Variants in NLGN1 observed in about 807,000 individuals in gnomAD.
The protein encoded by NLGN1 is neuroligin 1.
Under a neutral mutation model 65.5 loss-of-function variants are expected in NLGN1, and 12 were observed. That is an observed-to-expected ratio of 0.18 (90% CI 0.12 to 0.30). The LOEUF is 0.30. Ranked by LOEUF, NLGN1 falls within the 10% of genes least tolerant of loss-of-function variation. The pLI is 1.00. For synonymous variants in NLGN1, 350 were observed against 359.5 expected (o/e 0.97, Z 0.30); for missense variants, 750 against 1,007.1 (o/e 0.74, Z 3.46).
intron 3 of NLGN1, among the ~76,000 whole-genome samples, chr3:173,797,668 A>C (rs1714403162): frequency 6.8e-6 from 1 of 146,578 alleles, no homozygotes; most frequent in African/African-American, 2.5e-5. Flanking sequence ...AATGTAGCAA[A>C]AAACAAAAAA....
chr3:173,964,923 G>A (rs1252192361), intron 4 of NLGN1, among the ~76,000 whole-genome samples: 1 of 152,168 alleles, frequency 6.6e-6, no homozygotes, highest in Admixed American at 6.5e-5. Flanking sequence ...TGTGGTAGCT[G>A]TTCAGATATG....
rs909136612 is a variant in NLGN1 at position 173,499,172 on chromosome 3, G to A, written c.-321+64094G>A. 6.6e-5 allele frequency among the ~76,000 whole-genome samples: 10 copies of A among 151,670 alleles called. 1 individual carries two copies. The highest frequency in any genetic ancestry group is 2.2e-4 in the African/African-American group (9 of 41,018). On this transcript the variant is annotated intron_variant, in intron 2 of 6. Transcript: ENST00000457714. ...GGTATTGCCTAGGTTTTCTTCTAGG[G>A]TTTTTATGGTTTTAGGTCTAACATT...
chr3:173,515,130 A>C (rs963489382), intron 2 of NLGN1, among the ~76,000 whole-genome samples: 1 of 152,098 alleles, frequency 6.6e-6, no homozygotes, highest in African/African-American at 2.4e-5. Flanking sequence ...ACAGTGCGCA[A>C]GGGCAACAAT....
intron 4 of NLGN1, among the ~76,000 whole-genome samples, chr3:173,868,851 A>G (rs1313963409): frequency 2.0e-5 from 3 of 152,120 alleles, no homozygotes; most frequent in South Asian, 2.1e-4. Flanking sequence ...TAAACCCACA[A>G]TATTTACATG....
chr3:173,546,571 A>C (rs1246698915), intron 2 of NLGN1, among the ~76,000 whole-genome samples: 1 of 152,198 alleles, frequency 6.6e-6, no homozygotes, highest in African/African-American at 2.4e-5. Context: ...AGAAAAATGC[A>C]CATAAATTAT....
At chr3:173,427,836 G>A (rs73178900) in intron 1 of NLGN1, among the ~76,000 whole-genome samples, 1 of 150,512 alleles carries the variant, frequency 6.6e-6, no homozygotes, top group Non-Finnish European at 1.5e-5. Flanking sequence ...TTTTTGGTCT[G>A]GAAACTCTAT....
At chr3:173,556,303 A>G (rs549982851) in intron 2 of NLGN1, among the ~76,000 whole-genome samples, 3 of 152,218 alleles carry the variant, frequency 2.0e-5, no homozygotes, top group East Asian at 1.9e-4. Context: ...TTCCTTGGCT[A>G]TATATGCTCT....
intron 3 of NLGN1, among the ~76,000 whole-genome samples, chr3:173,703,361 A>C (rs1379495982): frequency 3.3e-5 from 5 of 152,130 alleles, no homozygotes; most frequent in Non-Finnish European, 5.9e-5. Context: ...TGCATCATTA[A>C]TTTTAAATAA....
intron 4 of NLGN1, among the ~76,000 whole-genome samples, chr3:174,072,978 G>T (rs991620280): frequency 2.0e-5 from 3 of 152,092 alleles, no homozygotes; most frequent in African/African-American, 4.8e-5. Context: ...TAAATTAAAT[G>T]ACTGAGTAAA....
At chr3:174,017,373 A>T (rs1726793887) in intron 4 of NLGN1, among the ~76,000 whole-genome samples, 1 of 152,140 alleles carries the variant, frequency 6.6e-6, no homozygotes. Flanking sequence ...AATTGCTGAG[A>T]TGTGTATAGT....
At chr3:173,815,427 A>C (rs1718841426) in intron 4 of NLGN1, among the ~76,000 whole-genome samples, 1 of 152,086 alleles carries the variant, frequency 6.6e-6, no homozygotes, top group Admixed American at 6.6e-5. Context: ...TACTCTACTG[A>C]GAAAACCCTT....
chr3:173,741,197 T>C (rs1774583675), intron 3 of NLGN1, among the ~76,000 whole-genome samples: 1 of 152,130 alleles, frequency 6.6e-6, no homozygotes, highest in Admixed American at 6.6e-5. Flanking sequence ...AACTTGCTGC[T>C]TGGATTCCAT....
chr3:173,920,065 G>A (rs1225322511), intron 4 of NLGN1, among the ~76,000 whole-genome samples: 2 of 151,934 alleles, frequency 1.3e-5, no homozygotes, highest in African/African-American at 4.8e-5. Context: ...GAGAAAAAAG[G>A]AGCAAACCTA....
chr3:174,004,015 CA>C (rs1723855721), intron 4 of NLGN1, among the ~76,000 whole-genome samples: 1 of 152,152 alleles, frequency 6.6e-6, no homozygotes, highest in Admixed American at 6.5e-5. Context: ...AAATAATCCA[CA>C]TGCAGTTCTG....
At chr3:173,784,102 C>T (rs1488549) in intron 3 of NLGN1, among the ~76,000 whole-genome samples, 130,282 of 152,134 alleles carry the variant, frequency 0.86, 56,715 homozygotes, top group African/African-American at 0.94. Flanking sequence ...GATTATGTGC[C>T]AGGTAATGTA....
rs536061010 is a variant in NLGN1, at chr3:174,263,631, T to C, written c.647-11684T>C. Reference sequence around the variant, plus strand: ...CAGCACACTGATGGGTCTTGACTCTTTATCCAATTTGCCAGTCTGTGTCTT... The same window carrying C: ...CAGCACACTGATGGGTCTTGACTCTCTATCCAATTTGCCAGTCTGTGTCTT... On this transcript the variant is annotated intron_variant, in intron 4 of 6. Transcript: ENST00000457714. Among the ~76,000 whole-genome samples, 375 of 152,170 alleles carry C rather than the reference T, an allele frequency of 2.5e-3. 2 individuals are homozygous for C. The highest frequency in any genetic ancestry group is 5.2e-3 in the East Asian group (27 of 5,166).
At chr3:174,119,461 A>C (rs1253172353) in intron 4 of NLGN1, among the ~76,000 whole-genome samples, 1 of 152,148 alleles carries the variant, frequency 6.6e-6, no homozygotes, top group Admixed American at 6.6e-5. Context: ...CCCTTGTCTT[A>C]AAATTTTGTG....
At chr3:173,592,626 A>G (rs1364907975) in intron 2 of NLGN1, among the ~76,000 whole-genome samples, 1 of 152,220 alleles carries the variant, frequency 6.6e-6, no homozygotes, top group Non-Finnish European at 1.5e-5. Context: ...TCACAGATGG[A>G]TAAATAAAAT....
At chr3:174,016,157 A>G (rs973669892) in intron 4 of NLGN1, among the ~76,000 whole-genome samples, 9 of 152,192 alleles carry the variant, frequency 5.9e-5, no homozygotes, top group African/African-American at 1.9e-4. Flanking sequence ...ATAGTAACAG[A>G]TGCTCCATTT....
Sources: gnomAD v4.1 joint callset for allele counts (sites outside exome capture counted in the v4.1 genomes callset) on GRCh38, gnomAD v4.1.1 for gene constraint, MANE v1.5 for transcripts, NCBI Gene and HGNC (gene_info 2026-07-23, HGNC 2026-07-21) for gene names.